MLLT10: variants seen among roughly 807,000 people sequenced by gnomAD.
The protein encoded by MLLT10 is protein AF-10.
In MLLT10, 30 loss-of-function variants were observed where a neutral mutation model predicts 129.1. The ratio of observed to expected loss-of-function variants is 0.23; its 90% CI spans 0.17 to 0.32. The LOEUF (loss-of-function observed/expected upper bound fraction) is 0.32, where lower values mean the gene tolerates loss of function less well. Ranked by LOEUF, MLLT10 falls within the 10% of genes least tolerant of loss-of-function variation. MLLT10 has a pLI of 1.00. For missense variants in MLLT10, 1,119 were observed against 1,268.3 expected (o/e 0.88, Z 1.79); for synonymous variants, 490 against 446.4 (o/e 1.10, Z -1.23).
intron 7 of MLLT10, among the ~76,000 whole-genome samples, chr10:21,616,035 G>A (rs2045220196): frequency 6.6e-6 from 1 of 151,890 alleles, no homozygotes; most frequent in African/African-American, 2.4e-5. Context: ...AATACTACAA[G>A]GGGCCCCTGT....
intron 5 of MLLT10, among the ~76,000 whole-genome samples, chr10:21,603,114 G>A (rs2043715260): frequency 6.7e-6 from 1 of 149,394 alleles, no homozygotes; most frequent in Non-Finnish European, 1.5e-5. Context: ...ATGCAGTGGT[G>A]CGATCTTGGC....
intron 8 of MLLT10, among the ~76,000 whole-genome samples, chr10:21,628,276 C>G (rs1207706374): frequency 1.3e-5 from 2 of 152,082 alleles, no homozygotes; most frequent in Non-Finnish European, 2.9e-5. Context: ...GCAATTTACC[C>G]TGAAATATAT....
chr10:21,546,872 C>T (rs993144029), intron 3 of MLLT10, among the ~76,000 whole-genome samples: 2 of 152,098 alleles, frequency 1.3e-5, no homozygotes, highest in Non-Finnish European at 2.9e-5. Context: ...GGATTACAGG[C>T]ATGCGCCACC....
chr10:21,603,984 T>G (rs1425093024), intron 5 of MLLT10, among the ~76,000 whole-genome samples: 1 of 152,110 alleles, frequency 6.6e-6, no homozygotes, highest in Admixed American at 6.5e-5. Flanking sequence ...CTAATTACAT[T>G]TGCAATGATC....
chr10:21,614,718 A>C (rs1345458732), intron 6 of MLLT10, 113 bp from the exon 7 acceptor site: 2 of 730,806 alleles, frequency 2.7e-6, no homozygotes, highest in Non-Finnish European at 4.2e-6. Context: ...TTTTTTTCTT[A>C]GGAGATGTTA....
At chr10:21,691,442 G>A (rs1049569682) in intron 13 of MLLT10, among the ~76,000 whole-genome samples, 2 of 152,120 alleles carry the variant, frequency 1.3e-5, no homozygotes, top group African/African-American at 4.8e-5. Flanking sequence ...TGTAATAACA[G>A]CTAGGTATTT....
chr10:21,718,516 A>G (rs1001381195), intron 14 of MLLT10, among the ~76,000 whole-genome samples: 8 of 152,170 alleles, frequency 5.3e-5, no homozygotes, highest in East Asian at 1.9e-4. Context: ...ACTGAATGCA[A>G]TGAAACATAA....
intron 8 of MLLT10, chr10:21,625,984 G>T: frequency 2.2e-6 from 2 of 915,398 alleles, no homozygotes; most frequent in Non-Finnish European, 3.7e-6. Flanking sequence ...AGTACACACT[G>T]TTTGGTGGAG....
intron 8 of MLLT10, chr10:21,625,967 A>G: frequency 1.2e-6 from 1 of 836,898 alleles, no homozygotes; most frequent in South Asian, 1.3e-5. Context: ...TCTAGGTTGC[A>G]CACCAGAGTA....
chr10:21,562,952 T>G (rs1212496654), intron 3 of MLLT10, among the ~76,000 whole-genome samples: 1 of 151,392 alleles, frequency 6.6e-6, no homozygotes, highest in East Asian at 2.0e-4. Flanking sequence ...TCTGAGTAGC[T>G]GGGATTACAG....
chr10:21,619,066 ACAC>A (rs2045558721), intron 8 of MLLT10, among the ~76,000 whole-genome samples: 2 of 140,780 alleles, frequency 1.4e-5, no homozygotes, highest in African/African-American at 5.3e-5. Context: ...ACACACACAC[ACAC>A]TTTTTTTAGA....
intron 3 of MLLT10, among the ~76,000 whole-genome samples, chr10:21,579,751 C>T (rs1282683226): frequency 6.6e-6 from 1 of 151,390 alleles, no homozygotes. Flanking sequence ...TTAGTAGAGA[C>T]GGGGTTTCTC....
At chr10:21,705,541 C>G (rs957344593) in intron 13 of MLLT10, among the ~76,000 whole-genome samples, 1 of 152,140 alleles carries the variant, frequency 6.6e-6, no homozygotes, top group South Asian at 2.1e-4. Flanking sequence ...GTTGCCCTGT[C>G]ACTGGAGAGC....
intron 8 of MLLT10, among the ~76,000 whole-genome samples, chr10:21,630,907 A>G (rs1251296756): frequency 3.3e-5 from 5 of 152,196 alleles, no homozygotes; most frequent in African/African-American, 1.2e-4. Context: ...AGTTGTTCAT[A>G]CAGTTGGCCT....
chr10:21,581,672 G>A (rs1356226673), intron 3 of MLLT10, among the ~76,000 whole-genome samples: 4 of 152,138 alleles, frequency 2.6e-5, no homozygotes, highest in Non-Finnish European at 5.9e-5. Flanking sequence ...CGGTCTGATG[G>A]TTTTGAAAGT....
At chr10:21,652,738 G>A (rs929229183) in intron 9 of MLLT10, among the ~76,000 whole-genome samples, 4 of 152,166 alleles carry the variant, frequency 2.6e-5, no homozygotes, top group African/African-American at 9.7e-5. Flanking sequence ...GTCTGACTTA[G>A]GTTTTGAAAG....
intron 14 of MLLT10, among the ~76,000 whole-genome samples, chr10:21,717,852 T>TCCTCCTTCTC (rs2056834751): frequency 1.3e-5 from 1 of 76,926 alleles, no homozygotes; most frequent in Non-Finnish European, 2.7e-5. Flanking sequence ...TCCTCCTCCT[T>TCCTCCTTCTC]CTCCTCCTCC....
intron 10 of MLLT10, 35 bp from the exon 11 acceptor site, chr10:21,673,315 C>CCACA: frequency 1.8e-5 from 11 of 616,684 alleles, no homozygotes; most frequent in Non-Finnish European, 2.1e-5. Context: ...CCCCACCCCC[C>CCACA]AACTTTTTTT....
At chr10:21,558,179 G>A (rs2130986343) in intron 3 of MLLT10, among the ~76,000 whole-genome samples, 1 of 151,940 alleles carries the variant, frequency 6.6e-6, no homozygotes, top group East Asian at 1.9e-4. Flanking sequence ...TCGAACTACT[G>A]ACCTCCGGTG....
Sources: allele counts gnomAD v4.1 joint callset (sites outside exome capture counted in the v4.1 genomes callset), GRCh38; gene constraint gnomAD v4.1.1; transcripts MANE v1.5; gene names NCBI Gene and HGNC (gene_info 2026-07-23, HGNC 2026-07-21).